Variants in MND1 observed in about 807,000 individuals in gnomAD.
MND1 encodes meiotic nuclear division protein 1 homolog.
In MND1, 28 loss-of-function variants were observed where a neutral mutation model predicts 35.1. The ratio of observed to expected loss-of-function variants is 0.80; its 90% CI spans 0.59 to 1.09. The LOEUF (loss-of-function observed/expected upper bound fraction) is 1.09. Among genes scored for constraint, MND1 ranks in the 50% least tolerant of loss-of-function variants. The pLI is 0.00. For missense variants in MND1, 213 were observed against 239.6 expected, an observed-to-expected ratio of 0.89 and a Z score of 0.73; for synonymous variants, 69 against 70.5, an observed-to-expected ratio of 0.98 and a Z score of 0.11.
chr4:153,380,452 C>T (rs1241288642), intron 4 of MND1, among the ~76,000 whole-genome samples: 7 of 152,172 alleles, frequency 4.6e-5, no homozygotes, highest in Admixed American at 2.0e-4. Flanking sequence ...CCCAGAATGT[C>T]TCCTGTCCCA....
At chr4:153,376,532 G>A (rs1728515575) in intron 4 of MND1, among the ~76,000 whole-genome samples, 1 of 152,072 alleles carries the variant, frequency 6.6e-6, no homozygotes, top group Non-Finnish European at 1.5e-5. Flanking sequence ...ACATAGCATG[G>A]GGTACTGTGA....
At chr4:153,358,398 GT>G in intron 3 of MND1, 75 bp from the exon 4 acceptor site, 1 of 1,282,886 alleles carries the variant, frequency 7.8e-7, no homozygotes. Context: ...TTTTGCAAGT[GT>G]TTCCCCAGTT....
chr4:153,407,471 T>C (rs888659853), intron 6 of MND1, among the ~76,000 whole-genome samples: 1 of 151,822 alleles, frequency 6.6e-6, no homozygotes, highest in Non-Finnish European at 1.5e-5. Context: ...CAAAAAAAAA[T>C]AGAAAATAAT....
intron 2 of MND1, among the ~76,000 whole-genome samples, chr4:153,353,443 A>ATG (rs1230024746): frequency 8.7e-5 from 11 of 127,132 alleles, no homozygotes; most frequent in Admixed American, 4.9e-4. Flanking sequence ...ATATATATAT[A>ATG]TATATTCATC....
intron 4 of MND1, among the ~76,000 whole-genome samples, chr4:153,365,348 A>G (rs1289796958): frequency 2.0e-5 from 3 of 152,202 alleles, no homozygotes; most frequent in African/African-American, 7.2e-5. Flanking sequence ...TCATAAAATA[A>G]GAGAAAAAAC....
At chr4:153,360,584 ATG>A (rs141946781) in intron 4 of MND1, among the ~76,000 whole-genome samples, 44,312 of 144,804 alleles carry the variant, frequency 0.31, 8,043 homozygotes, top group African/African-American at 0.51. Context: ...TCTTTTCTGT[ATG>A]TGTGTGTGTG....
chr4:153,400,562 T>G (rs1324860282), intron 6 of MND1, among the ~76,000 whole-genome samples: 1 of 152,088 alleles, frequency 6.6e-6, no homozygotes, highest in South Asian at 2.1e-4. Flanking sequence ...TGGCATGCGC[T>G]TTATTCAAGT....
chr4:153,355,689 T>G lies in MND1; in HGVS notation c.105T>G (p.Ile35Met). 1 of 1,589,836 alleles carries G rather than the reference T, an allele frequency of 6.3e-7. No individual in the cohort carries two copies. The highest frequency in any genetic ancestry group is 8.6e-7 in the Non-Finnish European group (1 of 1,159,656). ...DVFQLKDLEK[I>M]APKEKGITAM... ...TTCAATTAAAAGACTTGGAGAAGAT[T>G]GCTCCCAAAGAGAAAGGCATTAGTA... is the stretch of plus-strand genomic sequence containing the variant. Residue 35 changes from isoleucine (I) to methionine (M), a missense_variant, in exon 3 of 8, where the codon ATT (isoleucine) becomes ATG (methionine). Transcript: ENST00000240488.
chr4:153,347,846 G>A (rs1186455729), intron 1 of MND1, among the ~76,000 whole-genome samples: 1 of 152,144 alleles, frequency 6.6e-6, no homozygotes, highest in African/African-American at 2.4e-5. Context: ...AAGTTGCTTA[G>A]GTCTCCATAC....
At chr4:153,359,766 T>C (rs1381132730) in intron 4 of MND1, among the ~76,000 whole-genome samples, 1 of 149,440 alleles carries the variant, frequency 6.7e-6, no homozygotes, top group Non-Finnish European at 1.5e-5. Context: ...TAATGACATA[T>C]GATTTGGAAG....
chr4:153,414,940 C>T lies in MND1; in HGVS notation c.*83C>T, dbSNP rs972934966. On this transcript the variant is annotated 3_prime_UTR_variant, in exon 8 of 8. Coordinates refer to ENST00000240488, the MANE Select transcript of MND1 (RefSeq NM_032117.4). ...TATCTAACTAAGTGTACTGAATTGT[C>T]GTTTGCCTGTAACTGTGTTTATCAT... 156 of 558,650 alleles carry T rather than the reference C, an allele frequency of 2.8e-4. No individual in the cohort carries two copies. Among genetic ancestry groups the T allele is most frequent in the Non-Finnish European group, 1.7e-4 (54 of 321,410 alleles). 34.6% of individuals were successfully genotyped at this position (558,650 alleles called of 1,614,324 possible).
Position 153,395,698 on chromosome 4 carries a change from C to G in MND1, c.351+1362C>G, listed in dbSNP as rs140259556. ...ACCAGCAGTCTATGGCGGTGGCTAC[C>G]GTTACTGTCTCCATTTTGCTTTCAA... On this transcript the variant is annotated intron_variant, in intron 5 of 7. Transcript: ENST00000240488. Among the ~76,000 whole-genome samples, 30 of 152,276 alleles carry G rather than the reference C, an allele frequency of 2.0e-4. 2 individuals carry two copies. The highest frequency in any genetic ancestry group is 1.2e-3 in the East Asian group (6 of 5,194).
intron 5 of MND1, 40 bp downstream of exon 5, chr4:153,394,376 C>G: frequency 1.3e-6 from 2 of 1,520,422 alleles, no homozygotes; most frequent in Non-Finnish European, 1.8e-6. Context: ...AATGGCAATT[C>G]TAAATATTAG....
Position 153,413,366 on chromosome 4 carries a change from A to G in MND1, c.512-1385A>G, listed in dbSNP as rs542425494. Among the ~76,000 whole-genome samples the G allele has an allele frequency of 2.9e-3, 443 of 152,256 alleles. 5 individuals carry two copies. Among genetic ancestry groups the G allele is most frequent in the African/African-American group, 0.01 (428 of 41,532 alleles). ...TTCATCATAAAGGTTGTGTATGTAC[A>G]TTAAAGAAATGTATGAAATTAAGAA... On this transcript the variant is annotated intron_variant, in intron 7 of 7. Coordinates refer to ENST00000240488, the MANE Select transcript of MND1 (RefSeq NM_032117.4).
At chr4:153,379,289 CAAA>C (rs35306831) in intron 4 of MND1, among the ~76,000 whole-genome samples, 6 of 74,906 alleles carry the variant, frequency 8.0e-5, no homozygotes, top group Admixed American at 1.4e-4. Flanking sequence ...GACTCTGTCT[CAAA>C]AAAAAAAAAA....
chr4:153,380,986 G>A (rs1303041848), intron 4 of MND1, among the ~76,000 whole-genome samples: 1 of 151,312 alleles, frequency 6.6e-6, no homozygotes, highest in Non-Finnish European at 1.5e-5. Flanking sequence ...TGCAAGCTCC[G>A]CCTCCTGGGT....
chr4:153,409,014 TG>T lies in MND1; in HGVS notation c.511+1del. 1 of 1,360,482 alleles carries T rather than the reference TG, an allele frequency of 7.4e-7. No homozygotes were observed. Among genetic ancestry groups the T allele is most frequent in the South Asian group, 2.0e-5 (1 of 48,822 alleles). The allele number at this position is 1,360,482 out of a possible 1,614,324, so 84.3% of individuals were successfully genotyped here. A position where few individuals can be genotyped will look rare whatever the true frequency, so the allele number is the denominator to read the frequency against. Reference protein sequence around the residue: ...VAKEAANRWTDNIFAIKSWAK... With the variant: ...VAKEAANRWTXNIFAIKSWAK... ...CCAAAGAAGCTGCTAACAGATGGACTGGTATGTACTATAATAATGCTGATAA... is the reference window on the plus strand; with the variant it reads ...CCAAAGAAGCTGCTAACAGATGGACTGTATGTACTATAATAATGCTGATAA... On this transcript the variant is annotated frameshift_variant and splice_region_variant, in exon 7 of 8. Transcript: ENST00000240488. LOFTEE classifies it high-confidence loss of function.
chr4:153,348,554 A>G (rs1295630124), intron 1 of MND1, among the ~76,000 whole-genome samples: 1 of 152,222 alleles, frequency 6.6e-6, no homozygotes, highest in African/African-American at 2.4e-5. Context: ...GGACCGAGGA[A>G]GAAGAGAAAA....
chr4:153,379,224 A>C (rs1289161402), intron 4 of MND1, among the ~76,000 whole-genome samples: 1 of 147,596 alleles, frequency 6.8e-6, no homozygotes, highest in African/African-American at 2.5e-5. Context: ...CAGGAGACGG[A>C]GCTTGCAGTG....
Sources: gnomAD v4.1 joint callset for allele counts (sites outside exome capture counted in the v4.1 genomes callset) on GRCh38, gnomAD v4.1.1 for gene constraint, MANE v1.5 for transcripts, NCBI Gene and HGNC (gene_info 2026-07-23, HGNC 2026-07-21) for gene names.